The following DIAPH3 variants were observed in gnomAD, a reference collection of about 807,000 sequenced individuals.
DIAPH3 encodes the protein protein diaphanous homolog 3.
A neutral mutation model predicts 144.3 loss-of-function variants in DIAPH3; 117 were observed. The ratio of observed to expected loss-of-function variants is 0.81; its 90% confidence interval spans 0.70 to 0.95. DIAPH3 has a LOEUF of 0.95. Ranked by LOEUF, DIAPH3 falls within the 40% of genes least tolerant of loss-of-function variation. The pLI, the probability that DIAPH3 is intolerant of heterozygous loss-of-function variation, is 0.00. For synonymous variants in DIAPH3, 519 were observed against 488.9 expected (o/e 1.06, Z -0.81); for missense variants, 1,421 against 1,412.7 (o/e 1.01, Z -0.09).
chr13:59,971,758 C>T (rs562133687), intron 15 of DIAPH3, among the ~76,000 whole-genome samples: 4 of 152,250 alleles, frequency 2.6e-5, no homozygotes, highest in Admixed American at 6.5e-5. Context: ...CTAGTCCCTG[C>T]TATCTGGTCT....
chr13:59,907,034 T>C (rs1593926293), intron 20 of DIAPH3, among the ~76,000 whole-genome samples: 1 of 152,250 alleles, frequency 6.6e-6, no homozygotes, highest in Middle Eastern at 3.4e-3. Context: ...TTTGGAAAGA[T>C]GGACGAGAAG....
chr13:59,709,525 C>A (rs1468527765), intron 27 of DIAPH3, among the ~76,000 whole-genome samples: 2 of 152,158 alleles, frequency 1.3e-5, no homozygotes, highest in African/African-American at 4.8e-5. Context: ...CAGAGAAATG[C>A]AAATCAAAAT....
At chr13:59,900,298 C>T (rs1298682928) in intron 20 of DIAPH3, among the ~76,000 whole-genome samples, 3 of 152,126 alleles carry the variant, frequency 2.0e-5, no homozygotes, top group Non-Finnish European at 4.4e-5. Context: ...AGAGATTATT[C>T]CATTTTCTTC....
chr13:59,695,253 T>A (rs1442451999), intron 27 of DIAPH3: 2 of 152,216 alleles, frequency 1.3e-5, no homozygotes, highest in African/African-American at 4.8e-5. Flanking sequence ...GATATTTACT[T>A]GAAGGCAAGC....
chr13:59,837,932 C>G (rs1310603067), intron 23 of DIAPH3: 1 of 151,990 alleles, frequency 6.6e-6, no homozygotes, highest in Admixed American at 6.6e-5. Flanking sequence ...CCGACAGAGA[C>G]AGTGAAGGAA....
chr13:59,670,305 A>G (rs2032284585), intron 27 of DIAPH3, among the ~76,000 whole-genome samples: 2 of 152,212 alleles, frequency 1.3e-5, no homozygotes, highest in South Asian at 4.1e-4. Context: ...AAAGTGCACA[A>G]GAGTTTTTTA....
intron 5 of DIAPH3, among the ~76,000 whole-genome samples, chr13:60,020,429 A>T (rs945623348): frequency 3.3e-5 from 5 of 152,188 alleles, no homozygotes; most frequent in African/African-American, 1.2e-4. Context: ...GTACAGTGAC[A>T]CAATCATGTC....
intron 27 of DIAPH3, among the ~76,000 whole-genome samples, chr13:59,703,185 T>C (rs1461980837): frequency 6.6e-6 from 1 of 152,234 alleles, no homozygotes; most frequent in Non-Finnish European, 1.5e-5. Context: ...CTAGCTCAAC[T>C]TGAGATGTGG....
intron 21 of DIAPH3, among the ~76,000 whole-genome samples, chr13:59,865,897 G>T (rs2139965308): frequency 6.6e-6 from 1 of 152,004 alleles, no homozygotes; most frequent in South Asian, 2.1e-4. Context: ...CAAGGAACTG[G>T]AATCCCTTCC....
Position 59,970,065 on chromosome 13 carries a change from T to A in DIAPH3, c.1960-7A>T. ...TCATTTCATGAGGTCTGATCTACAA[T>A]CAGAGAGAAGACTGATTCATCAATA... On this transcript the variant is annotated splice_polypyrimidine_tract_variant and splice_region_variant and intron_variant, in intron 16 of 27. Coordinates refer to ENST00000400324, the MANE Select transcript of DIAPH3 (RefSeq NM_001042517.2). 6.5e-7 allele frequency: 1 copy of A among 1,539,932 alleles called. No homozygotes were observed. The highest frequency in any genetic ancestry group is 8.9e-7 in the Non-Finnish European group (1 of 1,119,920).
intron 27 of DIAPH3, among the ~76,000 whole-genome samples, chr13:59,710,599 T>C (rs75834467): frequency 0.044 from 6,690 of 152,306 alleles, 228 homozygotes; most frequent in South Asian, 0.1. Context: ...TTGCCAGTTG[T>C]GTGAGCCTGG....
chr13:59,805,405 C>T (rs2040140576), intron 25 of DIAPH3, among the ~76,000 whole-genome samples: 1 of 151,942 alleles, frequency 6.6e-6, no homozygotes, highest in Non-Finnish European at 1.5e-5. Context: ...TACTACTTGC[C>T]TTACTAGAAA....
chr13:59,911,936 T>A, intron 19 of DIAPH3, 100 bp from the exon 20 acceptor site: 1 of 971,230 alleles, frequency 1.0e-6, no homozygotes, highest in Non-Finnish European at 1.6e-6. Context: ...GTGAAGTTAA[T>A]CTTCAGTTTT....
chr13:59,917,431 G>A (rs1207589174), intron 18 of DIAPH3, among the ~76,000 whole-genome samples: 1 of 152,086 alleles, frequency 6.6e-6, no homozygotes, highest in Non-Finnish European at 1.5e-5. Context: ...AGAATATCAT[G>A]TATCACCTAC....
At chr13:60,040,897 TC>T (rs1344102556) in intron 5 of DIAPH3, among the ~76,000 whole-genome samples, 1 of 152,146 alleles carries the variant, frequency 6.6e-6, no homozygotes. Context: ...CACTGCAATC[TC>T]CACCTCCTAG....
At chr13:60,131,216 C>T (rs536340678) in intron 2 of DIAPH3, among the ~76,000 whole-genome samples, 1 of 151,922 alleles carries the variant, frequency 6.6e-6, no homozygotes, top group East Asian at 1.9e-4. Context: ...ATCACTTGAG[C>T]CCAGGAGTTT....
At chr13:59,881,031 A>G (rs1034197358) in intron 20 of DIAPH3, among the ~76,000 whole-genome samples, 10 of 151,306 alleles carry the variant, frequency 6.6e-5, no homozygotes, top group Admixed American at 5.9e-4. Flanking sequence ...TTTATAGAGT[A>G]AGTTTAAGCG....
At chr13:59,953,474 G>T (rs1028900066) in intron 17 of DIAPH3, among the ~76,000 whole-genome samples, 3 of 152,110 alleles carry the variant, frequency 2.0e-5, no homozygotes, top group African/African-American at 7.2e-5. Context: ...TCCAATGCCT[G>T]GTGAAAGACG....
At chr13:59,806,683 C>A (rs924365080) in intron 25 of DIAPH3, among the ~76,000 whole-genome samples, 3 of 151,714 alleles carry the variant, frequency 2.0e-5, no homozygotes, top group Non-Finnish European at 1.5e-5. Context: ...CAGCAGGAAC[C>A]TTTTTATTCT....
Sources: allele counts gnomAD v4.1 joint callset (sites outside exome capture counted in the v4.1 genomes callset), GRCh38; gene constraint gnomAD v4.1.1; transcripts MANE v1.5; gene names NCBI Gene and HGNC (gene_info 2026-07-23, HGNC 2026-07-21).